Variants in GALNTL6 observed in about 807,000 individuals in gnomAD.
GALNTL6 encodes the protein polypeptide N-acetylgalactosaminyltransferase like 6.
GALNTL6 carries 46 observed loss-of-function variants against 73.7 expected under a neutral mutation model. The ratio of observed to expected loss-of-function variants is 0.62; its 90% CI spans 0.49 to 0.80. The LOEUF (loss-of-function observed/expected upper bound fraction) is 0.80. Ranked by LOEUF, GALNTL6 falls within the 30% of genes least tolerant of loss-of-function variation. The probability of loss-of-function intolerance (pLI) is 0.00; values close to 1 mark genes in which losing one functional copy is unlikely to be tolerated. For missense variants in GALNTL6, 604 were observed against 755.0 expected, an observed-to-expected ratio of 0.80 and a Z score of 2.34; for synonymous variants, 259 against 263.7, an observed-to-expected ratio of 0.98 and a Z score of 0.17.
rs147281804 is a variant in GALNTL6 at position 172,403,793 on chromosome 4, A to G, written c.553+55104A>G. Among the ~76,000 whole-genome samples the G allele has an allele frequency of 2.9e-3, 440 of 152,134 alleles. 3 individuals carry two copies. The highest frequency in any genetic ancestry group is 9.8e-3 in the African/African-American group (407 of 41,544). ...TATTAACTCTACCATAGAATATTCT[A>G]TCAGTCTATTGTAAGCCACTGAATC... On this transcript the variant is annotated intron_variant, in intron 5 of 12. Coordinates refer to ENST00000506823, the MANE Select transcript of GALNTL6 (RefSeq NM_001034845.3).
At chr4:172,524,480 T>C (rs1561121512) in intron 5 of GALNTL6, among the ~76,000 whole-genome samples, 1 of 152,146 alleles carries the variant, frequency 6.6e-6, no homozygotes, top group Non-Finnish European at 1.5e-5. Context: ...TGAGTAGCTA[T>C]ATTTCATTCT....
intron 3 of GALNTL6, among the ~76,000 whole-genome samples, chr4:172,243,338 C>T (rs939580056): frequency 1.3e-5 from 2 of 152,160 alleles, no homozygotes; most frequent in South Asian, 2.1e-4. Context: ...TATTCACTCT[C>T]TGTCCTTTTA....
chr4:172,792,142 CATGAGA>C (rs1411957364), intron 5 of GALNTL6, among the ~76,000 whole-genome samples: 18 of 152,186 alleles, frequency 1.2e-4, no homozygotes, highest in Non-Finnish European at 5.9e-5. Flanking sequence ...AGTTACATTT[CATGAGA>C]ATTCATCAAA....
intron 8 of GALNTL6, among the ~76,000 whole-genome samples, chr4:172,921,323 TA>T (rs1747778776): frequency 6.6e-6 from 1 of 152,218 alleles, no homozygotes; most frequent in Non-Finnish European, 1.5e-5. Context: ...GTCCTCCTAA[TA>T]ACCAGTTTCT....
chr4:172,656,479 G>T (rs1731021043), intron 5 of GALNTL6, among the ~76,000 whole-genome samples: 1 of 152,168 alleles, frequency 6.6e-6, no homozygotes, highest in South Asian at 2.1e-4. Context: ...TAGTGGTGCT[G>T]GTGAGACAAA....
intron 5 of GALNTL6, among the ~76,000 whole-genome samples, chr4:172,698,491 C>G (rs1436728234): frequency 6.6e-6 from 1 of 152,178 alleles, no homozygotes; most frequent in Non-Finnish European, 1.5e-5. Flanking sequence ...GGCTTTGCCT[C>G]CCACGTGGCC....
intron 4 of GALNTL6, among the ~76,000 whole-genome samples, chr4:172,319,445 C>T (rs1473769713): frequency 6.6e-6 from 1 of 152,132 alleles, no homozygotes. Context: ...ATAAATTTAT[C>T]TCATTTATAA....
intron 3 of GALNTL6, among the ~76,000 whole-genome samples, chr4:172,290,376 T>TAA (rs947832936): frequency 5.9e-4 from 90 of 152,290 alleles, no homozygotes; most frequent in Non-Finnish European, 1.2e-4. Flanking sequence ...GCTAGTTCTG[T>TAA]AAAGAACCCT....
At chr4:172,025,137 C>A (rs1394872932) in intron 2 of GALNTL6, among the ~76,000 whole-genome samples, 2 of 152,014 alleles carry the variant, frequency 1.3e-5, no homozygotes, top group African/African-American at 4.8e-5. Context: ...CAGATAATGT[C>A]TGTAAAGGAA....
At position 172,139,758 on chromosome 4, in the gene GALNTL6, C is replaced by T. The variant is rs1233619167; in HGVS notation, c.139-89898C>T. Among the ~76,000 whole-genome samples the T allele has an allele frequency of 3.3e-5, 5 of 152,140 alleles. No individual in the cohort carries two copies. In the East Asian group the frequency reaches 7.7e-4, roughly 23 times the overall value. On this transcript the variant is annotated intron_variant, in intron 2 of 12. Coordinates refer to ENST00000506823, the MANE Select transcript of GALNTL6 (RefSeq NM_001034845.3). ...CCCTTTTAGAAATAGATCATGTCCCCCTCACGGGAAGCAACTACCCTGTTC... is the reference window on the plus strand; with the variant it reads ...CCCTTTTAGAAATAGATCATGTCCCTCTCACGGGAAGCAACTACCCTGTTC...
At chr4:172,240,289 T>C (rs1168890041) in intron 3 of GALNTL6, among the ~76,000 whole-genome samples, 1 of 152,126 alleles carries the variant, frequency 6.6e-6, no homozygotes, top group Non-Finnish European at 1.5e-5. Flanking sequence ...AGTGGCACGA[T>C]CTCGGCTCAC....
At chr4:172,393,359 T>C (rs978462241) in intron 5 of GALNTL6, among the ~76,000 whole-genome samples, 2 of 152,158 alleles carry the variant, frequency 1.3e-5, no homozygotes, top group African/African-American at 4.8e-5. Context: ...CCTCCTCTGC[T>C]TCTTTTTCAT....
intron 5 of GALNTL6, among the ~76,000 whole-genome samples, chr4:172,673,072 T>C (rs1195283245): frequency 6.6e-6 from 1 of 152,212 alleles, no homozygotes; most frequent in African/African-American, 2.4e-5. Context: ...GGGATTTGTT[T>C]GCTCTTGATT....
chr4:172,324,808 T>C (rs941881708), intron 4 of GALNTL6, among the ~76,000 whole-genome samples: 16 of 151,030 alleles, frequency 1.1e-4, no homozygotes, highest in Middle Eastern at 7.8e-3. Context: ...AGAAATTAAA[T>C]AGCATTTATA....
intron 8 of GALNTL6, among the ~76,000 whole-genome samples, chr4:172,898,652 C>T (rs919947693): frequency 2.6e-5 from 4 of 152,024 alleles, no homozygotes. Flanking sequence ...GAATATAGTA[C>T]AAGTCAAATG....
At chr4:172,843,838 C>T (rs139148239) in intron 7 of GALNTL6, among the ~76,000 whole-genome samples, 131 of 152,272 alleles carry the variant, frequency 8.6e-4, no homozygotes, top group African/African-American at 2.7e-3. Flanking sequence ...GCAGGCAGAT[C>T]GCTTGAAGTT....
intron 3 of GALNTL6, among the ~76,000 whole-genome samples, chr4:172,296,760 C>T (rs1477139350): frequency 2.0e-5 from 3 of 152,248 alleles, no homozygotes; most frequent in African/African-American, 7.2e-5. Flanking sequence ...TCCAGTCTAT[C>T]ATTGTTGGAC....
At chr4:172,478,478 G>C (rs557156719) in intron 5 of GALNTL6, among the ~76,000 whole-genome samples, 1 of 152,224 alleles carries the variant, frequency 6.6e-6, no homozygotes, top group Non-Finnish European at 1.5e-5. Context: ...AATTAAACTG[G>C]ATCCATTTCT....
At chr4:172,554,599 G>T (rs1736077912) in intron 5 of GALNTL6, among the ~76,000 whole-genome samples, 1 of 152,192 alleles carries the variant, frequency 6.6e-6, no homozygotes, top group Non-Finnish European at 1.5e-5. Context: ...ACTAGAAAGA[G>T]TTACTTTTAC....
Sources: gnomAD v4.1 joint callset for allele counts (sites outside exome capture counted in the v4.1 genomes callset) on GRCh38, gnomAD v4.1.1 for gene constraint, MANE v1.5 for transcripts, NCBI Gene and HGNC (gene_info 2026-07-23, HGNC 2026-07-21) for gene names.